PPM1L: variants seen among roughly 807,000 people sequenced by gnomAD.
PPM1L encodes protein phosphatase 1L.
Under a neutral mutation model 31.4 loss-of-function variants are expected in PPM1L, and 13 were observed. The observed-to-expected ratio is 0.41, with a 90% CI of 0.27 to 0.66. PPM1L has a LOEUF of 0.66. Ranked by LOEUF, PPM1L falls within the 30% of genes least tolerant of loss-of-function variation. The probability of loss-of-function intolerance (pLI) is 0.29; values close to 1 mark genes in which losing one functional copy is unlikely to be tolerated. For missense variants in PPM1L, 326 were observed against 453.7 expected, an observed-to-expected ratio of 0.72 and a Z score of 2.56; for synonymous variants, 184 against 175.4, an observed-to-expected ratio of 1.05 and a Z score of -0.39.
At chr3:160,988,221 G>A (rs1276589031) in intron 2 of PPM1L, among the ~76,000 whole-genome samples, 5 of 152,200 alleles carry the variant, frequency 3.3e-5, no homozygotes, top group South Asian at 2.1e-4. Context: ...AGAGCATGAC[G>A]TTTACGTTAT....
intron 2 of PPM1L, among the ~76,000 whole-genome samples, chr3:161,045,291 G>A (rs1036346654): frequency 6.6e-6 from 1 of 152,094 alleles, no homozygotes; most frequent in African/African-American, 2.4e-5. Context: ...TCTACAGAGC[G>A]CTCCACCACA....
chr3:160,853,031 C>G (rs1253648423), intron 1 of PPM1L, among the ~76,000 whole-genome samples: 1 of 152,126 alleles, frequency 6.6e-6, no homozygotes, highest in African/African-American at 2.4e-5. Flanking sequence ...AAGGAAGCAT[C>G]CATTTCCTGC....
At chr3:160,931,229 A>G (rs1164410607) in intron 1 of PPM1L, among the ~76,000 whole-genome samples, 1 of 152,170 alleles carries the variant, frequency 6.6e-6, no homozygotes, top group Non-Finnish European at 1.5e-5. Context: ...TACTCAGTGT[A>G]GGTTTTTGTG....
At chr3:161,002,368 G>A (rs1019230994) in intron 2 of PPM1L, among the ~76,000 whole-genome samples, 1 of 152,156 alleles carries the variant, frequency 6.6e-6, no homozygotes, top group Non-Finnish European at 1.5e-5. Context: ...TGGGATGGCT[G>A]GGTCAAATGG....
chr3:160,884,695 A>G (rs1712847931), intron 1 of PPM1L, among the ~76,000 whole-genome samples: 1 of 151,828 alleles, frequency 6.6e-6, no homozygotes, highest in African/African-American at 2.4e-5. Flanking sequence ...GCCCACATAC[A>G]ATGGAATGGG....
chr3:160,806,832 GAA>G (rs1324340743), intron 1 of PPM1L, among the ~76,000 whole-genome samples: 1 of 146,152 alleles, frequency 6.8e-6, no homozygotes, highest in Non-Finnish European at 1.5e-5. Context: ...AGAAAAGAAA[GAA>G]AGAAGGAAAG....
At chr3:160,768,733 C>T (rs1715173104) in intron 1 of PPM1L, among the ~76,000 whole-genome samples, 1 of 152,002 alleles carries the variant, frequency 6.6e-6, no homozygotes, top group South Asian at 2.1e-4. Flanking sequence ...CTAGATGGTA[C>T]ATTATTGGGA....
At position 161,077,621 on chromosome 3, in the gene PPM1L, G is replaced by A. The variant is rs1720146793; in HGVS notation, c.*8464G>A. On this transcript the variant is annotated 3_prime_UTR_variant, in exon 4 of 4. Coordinates refer to ENST00000498165, the MANE Select transcript of PPM1L (RefSeq NM_139245.4). ...CTGAGTATCTTCAGTGTTCCTGAGTGTAAATCAGTGAATCTGTTATATAGA... is the reference window on the plus strand; with the variant it reads ...CTGAGTATCTTCAGTGTTCCTGAGTATAAATCAGTGAATCTGTTATATAGA... 1.3e-5 allele frequency: 2 copies of A among 152,194 alleles called. No individual in the cohort carries two copies. The highest frequency in any genetic ancestry group is 2.1e-4 in the South Asian group (1 of 4,832). The allele number at this position is 152,194 out of a possible 1,614,324, so 9.4% of individuals were successfully genotyped here.
At chr3:160,814,232 G>T (rs1185756044) in intron 1 of PPM1L, among the ~76,000 whole-genome samples, 1 of 152,082 alleles carries the variant, frequency 6.6e-6, no homozygotes, top group African/African-American at 2.4e-5. Flanking sequence ...TGGACAGCTG[G>T]GTCCTGATGG....
intron 1 of PPM1L, among the ~76,000 whole-genome samples, chr3:160,927,567 T>C (rs1445357150): frequency 6.6e-6 from 1 of 152,142 alleles, no homozygotes. Context: ...TTTTATACCA[T>C]GAAAAATTTC....
chr3:160,827,590 G>C (rs577362205), intron 1 of PPM1L, among the ~76,000 whole-genome samples: 1 of 151,950 alleles, frequency 6.6e-6, no homozygotes, highest in South Asian at 2.1e-4. Context: ...GATGACACTT[G>C]GAGAGTTAAG....
At chr3:160,835,070 C>CTTT (rs1175411017) in intron 1 of PPM1L, among the ~76,000 whole-genome samples, 4,280 of 147,974 alleles carry the variant, frequency 0.029, 79 homozygotes, top group Middle Eastern at 0.063. Flanking sequence ...TCTTCTTCTT[C>CTTT]TTCTTCTTCT....
At chr3:160,841,648 T>C (rs1378039927) in intron 1 of PPM1L, among the ~76,000 whole-genome samples, 1 of 152,210 alleles carries the variant, frequency 6.6e-6, no homozygotes, top group African/African-American at 2.4e-5. Flanking sequence ...AGTCATATTT[T>C]AGGCAGAGTC....
At chr3:160,795,018 A>T (rs940185356) in intron 1 of PPM1L, among the ~76,000 whole-genome samples, 2 of 152,130 alleles carry the variant, frequency 1.3e-5, no homozygotes, top group African/African-American at 4.8e-5. Flanking sequence ...TTGCCTGAGG[A>T]AGATAAAAGC....
At chr3:160,793,235 AT>A (rs1712153001) in intron 1 of PPM1L, among the ~76,000 whole-genome samples, 1 of 152,178 alleles carries the variant, frequency 6.6e-6, no homozygotes, top group Non-Finnish European at 1.5e-5. Context: ...AGATAAAGAG[AT>A]TTTGATAGGT....
intron 1 of PPM1L, among the ~76,000 whole-genome samples, chr3:160,921,063 A>C (rs6764019): frequency 0.37 from 56,510 of 152,038 alleles, 13,391 homozygotes; most frequent in Non-Finnish European, 0.53. Flanking sequence ...ACCAGTCAAA[A>C]CTCATTGAAA....
intron 2 of PPM1L, among the ~76,000 whole-genome samples, chr3:161,025,071 A>C (rs1312861444): frequency 6.6e-6 from 1 of 152,168 alleles, no homozygotes; most frequent in South Asian, 2.1e-4. Flanking sequence ...CAGTGTTCTC[A>C]TAGTTTCGTG....
At chr3:161,004,886 T>C (rs1717649262) in intron 2 of PPM1L, among the ~76,000 whole-genome samples, 1 of 152,210 alleles carries the variant, frequency 6.6e-6, no homozygotes, top group African/African-American at 2.4e-5. Flanking sequence ...CTGCTAGCTT[T>C]TGAATGTGTT....
chr3:160,777,946 G>A (rs1357461765), intron 1 of PPM1L, among the ~76,000 whole-genome samples: 1 of 152,124 alleles, frequency 6.6e-6, no homozygotes, highest in Non-Finnish European at 1.5e-5. Flanking sequence ...CTGCCATACT[G>A]TTTTCCATAG....
Sources: allele counts gnomAD v4.1 joint callset (sites outside exome capture counted in the v4.1 genomes callset), GRCh38; gene constraint gnomAD v4.1.1; transcripts MANE v1.5; gene names NCBI Gene and HGNC (gene_info 2026-07-23, HGNC 2026-07-21).